Variants in MOGAT3 observed in about 807,000 individuals in gnomAD.
MOGAT3 encodes the protein monoacylglycerol O-acyltransferase 3.
A neutral mutation model predicts 34.4 loss-of-function variants in MOGAT3; 39 were observed. The ratio of observed to expected loss-of-function variants is 1.13; its 90% confidence interval spans 0.88 to 1.48. MOGAT3 has a LOEUF of 1.48. Among genes scored for constraint, MOGAT3 ranks in the 40% most tolerant of loss-of-function variants. The pLI, the probability that MOGAT3 is intolerant of heterozygous loss-of-function variation, is 0.00. For synonymous variants in MOGAT3, 209 were observed against 179.2 expected, an observed-to-expected ratio of 1.17 and a Z score of -1.33; for missense variants, 439 against 438.9, an observed-to-expected ratio of 1.00 and a Z score of 0.00.
chr7:101,198,276 G>A lies in MOGAT3; in HGVS notation c.583C>T (p.His195Tyr). The part of the protein sequence containing the change: ...QAVVIMVGGA[H>Y]EALYSVPGEH... ...CCGGGGACTGAATACAGGGCCTCGT[G>A]CGCACCCCCCACCATGATGACCACG... is the stretch of plus-strand genomic sequence containing the variant. Residue 195 changes from histidine (H) to tyrosine (Y), a missense_variant, in exon 5 of 7, where the codon CAC (histidine) becomes TAC (tyrosine). His to Tyr is a moderately conservative substitution (Grantham distance 83, BLOSUM62 2). Transcript: ENST00000223114. 6.2e-7 allele frequency: 1 copy of A among 1,611,126 alleles called. No homozygotes were observed.
Position 101,195,856 on chromosome 7 carries a change from A to AGTCC in MOGAT3, c.*89_*90insGGAC. 3.5e-6 allele frequency: 5 copies of AGTCC among 1,440,748 alleles called. No individual in the cohort carries two copies. In the Admixed American group the frequency reaches 8.7e-5, roughly 25 times the overall value. 89.2% of individuals were successfully genotyped at this position (1,440,748 alleles called of 1,614,324 possible). A position where few individuals can be genotyped will look rare whatever the true frequency, so the allele number is the denominator to read the frequency against. On this transcript the variant is annotated 3_prime_UTR_variant, in exon 7 of 7. Coordinates refer to ENST00000223114, the MANE Select transcript of MOGAT3 (RefSeq NM_178176.4). The stretch of plus-strand genomic sequence containing the variant: ...GCATGAGGCACTGCGCTGGGCCCAG[A>AGTCC]ACTACCTTTTATTGGAGGCATGGAG...
chr7:101,200,235 T>G lies in MOGAT3; in HGVS notation c.287A>C (p.Lys96Thr). The part of the protein sequence containing the change: ...WRQLRDYYPV[K>T]LVKTAELPPD... ...TTTTTCTGCAGGGTGACCCATCACC[T>G]TGACAGGATAATAATCCCTTAGTTG... Residue 96 changes from lysine (K) to threonine (T), a missense_variant and splice_region_variant, in exon 3 of 7, where the codon AAG becomes ACG. By Grantham distance (78) the Lys-to-Thr change is moderately conservative (BLOSUM62 -1). Transcript: ENST00000223114. The G allele has an allele frequency of 3.7e-6, 6 of 1,613,784 alleles. No individual in the cohort carries two copies. Among genetic ancestry groups the G allele is most frequent in the Non-Finnish European group, 5.1e-6 (6 of 1,179,760 alleles).
At position 101,200,949 on chromosome 7, in the gene MOGAT3, A is replaced by G; in HGVS notation, c.-95T>C. On this transcript the variant is annotated 5_prime_UTR_variant, in exon 1 of 7. Coordinates refer to ENST00000223114, the MANE Select transcript of MOGAT3 (RefSeq NM_178176.4). Reference sequence around the variant, plus strand: ...CCTGGGCAGACTTTCTCCCTACAGGAGCCCAGCTTTGGGGGCCTGGCTAAG... The same window carrying G: ...CCTGGGCAGACTTTCTCCCTACAGGGGCCCAGCTTTGGGGGCCTGGCTAAG... 2.0e-6 allele frequency: 2 copies of G among 1,017,016 alleles called. No individual in the cohort carries two copies. The highest frequency in any genetic ancestry group is 2.9e-6 in the Non-Finnish European group (2 of 690,010). The allele number at this position is 1,017,016 out of a possible 1,614,324, so 63.0% of individuals were successfully genotyped here.
rs1797849303 is a variant in MOGAT3, at chr7:101,198,216, A to G, written c.643T>C (p.Phe215Leu). The change falls in exon 5 of 7, where the codon TTC becomes CTC. Residue 215 changes from phenylalanine (F) to leucine (L), a missense_variant. Phe to Leu is a conservative substitution (Grantham distance 22). Coordinates refer to ENST00000223114, the MANE Select transcript of MOGAT3 (RefSeq NM_178176.4). ...CCGTGCCTCAGCGCCAGGCGCACGA[A>G]GCCTTTGCGCTTCTGGAGCGTAAGG... is the stretch of plus-strand genomic sequence containing the variant. ...HCLTLQKRKG[F>L]VRLALRHGAS... 6.2e-7 allele frequency: 1 copy of G among 1,612,974 alleles called. No individual in the cohort carries two copies. Among genetic ancestry groups the G allele is most frequent in the Admixed American group, 1.7e-5 (1 of 59,956 alleles).
rs1797787036 is a variant in MOGAT3 at position 101,196,361 on chromosome 7, C to T, written c.697G>A (p.Gly233Arg). 6.2e-7 allele frequency: 1 copy of T among 1,613,218 alleles called. No individual in the cohort carries two copies. Among genetic ancestry groups the T allele is most frequent in the South Asian group, 1.1e-5 (1 of 91,046 alleles). Residue 233 changes from glycine (G) to arginine (R), a missense_variant, in exon 6 of 7, where the codon GGG becomes AGG. By Grantham distance (125) the Gly-to-Arg change is moderately radical (BLOSUM62 -2). Transcript: ENST00000223114. Reference sequence around the variant, plus strand: ...TTAAGTCTAAAGATGTCATTCTCCCCAAAGGAGTACACGGGCACCAGGGAC... The same window carrying T: ...TTAAGTCTAAAGATGTCATTCTCCCTAAAGGAGTACACGGGCACCAGGGAC... ...GASLVPVYSF[G>R]ENDIFRLKAF...
Position 101,201,023 on chromosome 7 carries a change from GGA to G in MOGAT3, c.-171_-170del, listed in dbSNP as rs1446950222. 5 of 553,744 alleles carry G rather than the reference GGA, an allele frequency of 9.0e-6. No homozygotes were observed. The highest frequency in any genetic ancestry group is 1.6e-5 in the Non-Finnish European group (5 of 309,232). 34.3% of individuals were successfully genotyped at this position (553,744 alleles called of 1,614,324 possible). A position where few individuals can be genotyped will look rare whatever the true frequency, so the allele number is the denominator to read the frequency against. ...CGTGTGTCCGTAGGTGTGTGAGTGG[GGA>G]GATCTTTGGATCCAGAGCCCCAGAT... On this transcript the variant is annotated 5_prime_UTR_variant, in exon 1 of 7. Transcript: ENST00000223114.
chr7:101,200,526 G>T lies in MOGAT3; in HGVS notation c.110-11C>A. ...GGGAGAAGAAAGGGCCTGGGGGAAG[G>T]GAGAGAAAGAAAAGAGTTCACTTCT... On this transcript the variant is annotated splice_polypyrimidine_tract_variant and intron_variant, in intron 1 of 6. Transcript: ENST00000223114. 6.4e-7 allele frequency: 1 copy of T among 1,562,914 alleles called. No homozygotes were observed. Among genetic ancestry groups the T allele is most frequent in the Non-Finnish European group, 8.7e-7 (1 of 1,149,590 alleles).
Position 101,198,769 on chromosome 7 carries a change from CCATGAGGGTGGGCG to C in MOGAT3, c.336_349del (p.Ala113AspfsTer9). On this transcript the variant is annotated frameshift_variant, in exon 4 of 7. Transcript: ENST00000223114. LOFTEE classifies it high-confidence loss of function. ...ACAGAGGAAGCCTGTACACATGATC[CCATGAGGGTGGGCG>C]CCCAGCACGTAGTTCCGATCCGGGG... is the stretch of plus-strand genomic sequence containing the variant. 1 of 1,613,998 alleles carries C rather than the reference CCATGAGGGTGGGCG, an allele frequency of 6.2e-7. No individual in the cohort carries two copies. Among genetic ancestry groups the C allele is most frequent in the Non-Finnish European group, 8.5e-7 (1 of 1,180,002 alleles).
At position 101,195,858 on chromosome 7, in the gene MOGAT3, CTACCTTTT is replaced by C. The variant is rs1704672880; in HGVS notation, c.*80_*87del. ...ATGAGGCACTGCGCTGGGCCCAGAA[CTACCTTTT>C]ATTGGAGGCATGGAGTCCACAGTGG... On this transcript the variant is annotated 3_prime_UTR_variant, in exon 7 of 7. Coordinates refer to ENST00000223114, the MANE Select transcript of MOGAT3 (RefSeq NM_178176.4). The C allele has an allele frequency of 3.4e-6, 5 of 1,456,262 alleles. No homozygotes were observed. The Admixed American group carries it at 8.7e-5, about 25-fold the overall frequency. 90.2% of individuals were successfully genotyped at this position (1,456,262 alleles called of 1,614,324 possible).
chr7:101,195,628 G>A lies in MOGAT3; in HGVS notation c.*318C>T, dbSNP rs758160538. The A allele has an allele frequency of 6.1e-5, 17 of 277,082 alleles. No homozygotes were observed. Among genetic ancestry groups the A allele is most frequent in the Non-Finnish European group, 9.9e-5 (15 of 151,276 alleles). 17.2% of individuals were successfully genotyped at this position (277,082 alleles called of 1,614,324 possible). A position where few individuals can be genotyped will look rare whatever the true frequency, so the allele number is the denominator to read the frequency against. ...GTGATCTCAGCTCACTGCAACCTCC[G>A]CCTCCTGGGTTTAAGCAAGTCTCCT... On this transcript the variant is annotated 3_prime_UTR_variant, in exon 7 of 7. Transcript: ENST00000223114.
chr7:101,193,603 AT>A (rs112966575), downstream of MOGAT3, among the ~76,000 whole-genome samples: 1,019 of 151,918 alleles, frequency 6.7e-3, 10 homozygotes, highest in African/African-American at 0.023. Flanking sequence ...TAATTTTTGT[AT>A]TTTTGGTAGA....
intron 4 of MOGAT3, 29 bp downstream of exon 4, chr7:101,198,597 T>G: frequency 1.9e-6 from 3 of 1,597,476 alleles, no homozygotes; most frequent in East Asian, 2.2e-5. Context: ...AGGAGTCTCC[T>G]CCCGTTCTCC....
chr7:101,200,653 T>A (rs1797932376), intron 1 of MOGAT3, 93 bp downstream of exon 1: 1 of 1,307,998 alleles, frequency 7.6e-7, no homozygotes, highest in East Asian at 2.4e-5. Context: ...CTGGTCACTG[T>A]CCTCAGGCAT....
chr7:101,196,417 G>T, intron 5 of MOGAT3, 28 bp from the exon 6 acceptor site: 1 of 1,561,094 alleles, frequency 6.4e-7, no homozygotes, highest in East Asian at 2.2e-5. Flanking sequence ...AGAAGAGGGG[G>T]CTCAGGCTGC....
Position 101,200,419 on chromosome 7 carries a change from G to A in MOGAT3, c.206C>T (p.Thr69Ile), listed in dbSNP as rs1396132636. The A allele has an allele frequency of 1.2e-6, 2 of 1,613,182 alleles. No homozygotes were observed. The highest frequency in any genetic ancestry group is 2.2e-5 in the South Asian group (2 of 91,046). ...CATCCGGAGCTCACCTTGGTTGGGT[G>A]TGTCCCAGTCCACATAGAGCCACAC... The part of the protein sequence containing the change: ...YLVWLYVDWD[T>I]PNQGGRRSEW... Residue 69 changes from threonine to isoleucine, a missense_variant, in exon 2 of 7, where the codon ACA (threonine) becomes ATA (isoleucine). Thr to Ile is a moderately conservative substitution (Grantham distance 89). Transcript: ENST00000223114.
chr7:101,198,102 T>TCCC, intron 5 of MOGAT3, 89 bp downstream of exon 5: 1 of 1,429,946 alleles, frequency 7.0e-7, no homozygotes, highest in Non-Finnish European at 9.4e-7. Flanking sequence ...GGCACCCGGA[T>TCCC]CCCCCATGCA....
At position 101,198,209 on chromosome 7, in the gene MOGAT3, C is replaced by T. The variant is rs1290124777; in HGVS notation, c.650G>A (p.Arg217His). ...CACTCACCCGTGCCTCAGCGCCAGG[C>T]GCACGAAGCCTTTGCGCTTCTGGAG... ...LTLQKRKGFV[R>H]LALRHGASLV... Residue 217 changes from arginine to histidine, a missense_variant, in exon 5 of 7, where the codon CGC (arginine) becomes CAC (histidine). Arg to His is a conservative substitution (Grantham distance 29). Coordinates refer to ENST00000223114, the MANE Select transcript of MOGAT3 (RefSeq NM_178176.4). The T allele has an allele frequency of 9.3e-6, 15 of 1,612,482 alleles. No homozygotes were observed. Among genetic ancestry groups the T allele is most frequent in the African/African-American group, 2.7e-5 (2 of 74,926 alleles).
chr7:101,198,901 C>T, intron 3 of MOGAT3, 71 bp from the exon 4 acceptor site: 1 of 1,388,426 alleles, frequency 7.2e-7, no homozygotes, highest in East Asian at 2.3e-5. Flanking sequence ...GGCCCTCCAC[C>T]CCAACAGAGT....
At chr7:101,199,612 G>A (rs925692575) in intron 3 of MOGAT3, among the ~76,000 whole-genome samples, 7 of 99,518 alleles carry the variant, frequency 7.0e-5, no homozygotes, top group South Asian at 3.6e-4. Context: ...CACCACAACC[G>A]CCTTTTTTTT....
Sources: allele counts gnomAD v4.1 joint callset (sites outside exome capture counted in the v4.1 genomes callset), GRCh38; gene constraint gnomAD v4.1.1; transcripts MANE v1.5; gene names NCBI Gene and HGNC (gene_info 2026-07-23, HGNC 2026-07-21).